Variants in HDAC9 observed in about 807,000 individuals in gnomAD.
The protein encoded by HDAC9 is histone deacetylase 9.
A neutral mutation model predicts 139.4 loss-of-function variants in HDAC9; 41 were observed. The ratio of observed to expected loss-of-function variants is 0.29; its 90% CI spans 0.23 to 0.38. HDAC9 has a LOEUF of 0.38. Ranked by LOEUF, HDAC9 falls within the 10% of genes least tolerant of loss-of-function variation. The pLI is 1.00. For synonymous variants in HDAC9, 517 were observed against 476.2 expected, an observed-to-expected ratio of 1.09 and a Z score of -1.12; for missense variants, 1,147 against 1,297.0, an observed-to-expected ratio of 0.88 and a Z score of 1.78.
At chr7:18,799,038 A>AACACACAC (rs1491338239) in intron 17 of HDAC9, among the ~76,000 whole-genome samples, 2 of 143,534 alleles carry the variant, frequency 1.4e-5, no homozygotes, top group African/African-American at 2.6e-5. Context: ...AATGTGCCCT[A>AACACACAC]AGACACACAC....
intron 21 of HDAC9, among the ~76,000 whole-genome samples, chr7:18,839,691 T>C (rs1334221127): frequency 1.3e-5 from 2 of 152,088 alleles, no homozygotes; most frequent in Non-Finnish European, 2.9e-5. Context: ...CATCTATTCA[T>C]TTTGTTATAA....
chr7:18,882,244 A>G (rs551236398), intron 22 of HDAC9, among the ~76,000 whole-genome samples: 4 of 152,142 alleles, frequency 2.6e-5, no homozygotes, highest in Admixed American at 6.6e-5. Context: ...GCCATTTCTT[A>G]GTTTTGAATC....
intron 1 of HDAC9, among the ~76,000 whole-genome samples, chr7:18,117,147 A>G (rs773666698): frequency 2.4e-4 from 36 of 152,286 alleles, no homozygotes; most frequent in South Asian, 4.2e-4. Context: ...CCCTGGTACC[A>G]GTGAATGCGA....
chr7:18,303,642 A>T (rs1422800112), intron 1 of HDAC9, among the ~76,000 whole-genome samples: 2 of 152,112 alleles, frequency 1.3e-5, no homozygotes, highest in African/African-American at 4.8e-5. Context: ...TTCTTTTTCC[A>T]TGGAAACAGT....
chr7:18,535,828 C>T (rs1810721604), intron 2 of HDAC9, among the ~76,000 whole-genome samples: 1 of 144,010 alleles, frequency 6.9e-6, no homozygotes, highest in Non-Finnish European at 1.5e-5. Flanking sequence ...GCAAACAAAA[C>T]AGAAGAAAAT....
At chr7:18,948,234 AAG>A (rs141504442) in intron 23 of HDAC9, among the ~76,000 whole-genome samples, 3,068 of 152,100 alleles carry the variant, frequency 0.02, 94 homozygotes, top group African/African-American at 0.07. Context: ...TTGTAAAAAA[AAG>A]AAAAAGATAT....
chr7:18,835,721 A>G (rs1796189796), intron 20 of HDAC9, 135 bp downstream of exon 20: 2 of 1,269,996 alleles, frequency 1.6e-6, no homozygotes, highest in Middle Eastern at 1.9e-4. Context: ...CCATGGGACC[A>G]AGAACCAGTG....
chr7:18,796,200 A>G (rs2129181156), intron 17 of HDAC9, among the ~76,000 whole-genome samples: 1 of 152,334 alleles, frequency 6.6e-6, no homozygotes, highest in Non-Finnish European at 1.5e-5. Context: ...AAGAGATGAG[A>G]GCTAGCTAGA....
intron 1 of HDAC9, among the ~76,000 whole-genome samples, chr7:18,451,593 T>G (rs1386855562): frequency 6.6e-6 from 1 of 151,984 alleles, no homozygotes; most frequent in East Asian, 1.9e-4. Flanking sequence ...ATATAATGCA[T>G]CCACTGATGC....
chr7:18,117,904 A>T (rs557029576), intron 1 of HDAC9, among the ~76,000 whole-genome samples: 1 of 151,876 alleles, frequency 6.6e-6, no homozygotes, highest in Non-Finnish European at 1.5e-5. Flanking sequence ...CCCTGGATTG[A>T]CTCTTTCTCC....
rs908849778 is a variant in HDAC9, at chr7:18,469,588, A to G, written c.-41-26674A>G. Among the ~76,000 whole-genome samples, 11 of 152,172 alleles carry G rather than the reference A, an allele frequency of 7.2e-5. 1 individual carries two copies. The highest frequency in any genetic ancestry group is 3.2e-3 in the Middle Eastern group (1 of 316). On this transcript the variant is annotated intron_variant, in intron 1 of 3. Transcript: ENST00000413509. ...ACCTAATGGTACCACATTGTATTTC[A>G]TGAATGGGAGCAATTCACAAAGTTC...
intron 2 of HDAC9, among the ~76,000 whole-genome samples, chr7:18,252,680 A>G (rs1296866509): frequency 1.3e-5 from 2 of 151,956 alleles, no homozygotes; most frequent in Admixed American, 6.6e-5. Flanking sequence ...TGTGAAAGCT[A>G]GTAATAACTA....
upstream of HDAC9, among the ~76,000 whole-genome samples, chr7:18,287,753 G>C (rs947904281): frequency 1.3e-5 from 2 of 152,212 alleles, no homozygotes; most frequent in African/African-American, 4.8e-5. Flanking sequence ...AGTTTGTCTA[G>C]GGTAGTGCTT....
intron 2 of HDAC9, among the ~76,000 whole-genome samples, chr7:18,577,087 A>G (rs978634512): frequency 2.0e-5 from 3 of 152,220 alleles, no homozygotes. Flanking sequence ...AGAATAAGAT[A>G]AGGGAAACTT....
intron 1 of HDAC9, among the ~76,000 whole-genome samples, chr7:18,299,460 A>G (rs1469704184): frequency 6.6e-6 from 1 of 152,122 alleles, no homozygotes; most frequent in African/African-American, 2.4e-5. Flanking sequence ...GTGTTTAATG[A>G]TACCACACTT....
At chr7:18,572,046 A>T (rs1324787412) in intron 2 of HDAC9, among the ~76,000 whole-genome samples, 1 of 152,006 alleles carries the variant, frequency 6.6e-6, no homozygotes, top group Non-Finnish European at 1.5e-5. Flanking sequence ...AAGAGTGGGA[A>T]CACATTTTTG....
chr7:18,349,494 G>T (rs1474738975), intron 1 of HDAC9, among the ~76,000 whole-genome samples: 2 of 151,914 alleles, frequency 1.3e-5, no homozygotes, highest in African/African-American at 4.8e-5. Context: ...GAGAATGGTA[G>T]CTTAATGTTA....
chr7:18,290,159 T>A (rs1177221395), upstream of HDAC9: 2 of 190,054 alleles, frequency 1.1e-5, no homozygotes, highest in African/African-American at 4.7e-5. Flanking sequence ...CCTCATTCTG[T>A]TGAATTGCTG....
At chr7:18,218,957 A>G (rs944179787) in intron 2 of HDAC9, among the ~76,000 whole-genome samples, 4 of 152,170 alleles carry the variant, frequency 2.6e-5, no homozygotes, top group African/African-American at 9.6e-5. Context: ...TAAACATTTT[A>G]AGGCTTTTTA....
Sources: allele counts gnomAD v4.1 joint callset (sites outside exome capture counted in the v4.1 genomes callset), GRCh38; gene constraint gnomAD v4.1.1; transcripts MANE v1.5; gene names NCBI Gene and HGNC (gene_info 2026-07-23, HGNC 2026-07-21).